Variants in CPED1 observed in about 807,000 individuals in gnomAD.
The protein encoded by CPED1 is cadherin-like and PC-esterase domain-containing protein 1.
CPED1 carries 114 observed loss-of-function variants against 128.2 expected under a neutral mutation model. That is an observed-to-expected ratio of 0.89 (90% CI 0.76 to 1.04). The LOEUF (loss-of-function observed/expected upper bound fraction) is 1.04, where lower values mean the gene tolerates loss of function less well. Ranked by LOEUF, CPED1 falls within the 50% of genes least tolerant of loss-of-function variation. The probability of loss-of-function intolerance (pLI) is 0.00; values close to 1 mark genes in which losing one functional copy is unlikely to be tolerated. For missense variants in CPED1, 1,211 were observed against 1,207.1 expected (o/e 1.00, Z -0.05); for synonymous variants, 462 against 426.7 (o/e 1.08, Z -1.02).
At chr7:121,129,032 A>G (rs1312279493) in intron 11 of CPED1, among the ~76,000 whole-genome samples, 2 of 151,776 alleles carry the variant, frequency 1.3e-5, no homozygotes, top group Admixed American at 6.6e-5. Flanking sequence ...TTTATCTTCT[A>G]TGTATTTTGT....
intron 16 of CPED1, among the ~76,000 whole-genome samples, chr7:121,165,645 G>A (rs2116448323): frequency 6.6e-6 from 1 of 152,172 alleles, no homozygotes; most frequent in South Asian, 2.1e-4. Context: ...GACCTCATCA[G>A]AGTTCACAAT....
At chr7:121,076,786 G>A (rs926487423) in intron 5 of CPED1, 2 of 151,946 alleles carry the variant, frequency 1.3e-5, no homozygotes, top group African/African-American at 4.8e-5. Context: ...CTGACTATCG[G>A]GCTTTAGCTT....
intron 4 of CPED1, among the ~76,000 whole-genome samples, chr7:121,052,751 T>A (rs1793391085): frequency 1.3e-5 from 2 of 152,160 alleles, no homozygotes; most frequent in Non-Finnish European, 2.9e-5. Flanking sequence ...AGACAGAGTC[T>A]CACTCTGTCT....
intron 22 of CPED1, among the ~76,000 whole-genome samples, chr7:121,294,410 C>A (rs1177016479): frequency 1.3e-5 from 2 of 152,036 alleles, no homozygotes; most frequent in East Asian, 3.9e-4. Context: ...TCTATGCACA[C>A]CTACCCCCAA....
intron 18 of CPED1, among the ~76,000 whole-genome samples, chr7:121,248,638 C>T (rs956353304): frequency 4.0e-5 from 6 of 148,998 alleles, no homozygotes; most frequent in South Asian, 2.1e-4. Context: ...ATAAAGATGC[C>T]GTACAGAGCC....
chr7:121,155,080 C>T (rs767889974), intron 16 of CPED1, among the ~76,000 whole-genome samples: 33 of 152,062 alleles, frequency 2.2e-4, no homozygotes, highest in Non-Finnish European at 4.1e-4. Context: ...CAACAGCAAA[C>T]AACCTGAAAA....
chr7:121,042,805 C>T lies in CPED1; in HGVS notation c.434-4082C>T, dbSNP rs182369378. Among the ~76,000 whole-genome samples the T allele has an allele frequency of 2.6e-5, 4 of 152,204 alleles. No homozygotes were observed. The South Asian group carries it at 6.2e-4, about 24-fold the overall frequency. On this transcript the variant is annotated intron_variant, in intron 3 of 22. Coordinates refer to ENST00000310396, the MANE Select transcript of CPED1 (RefSeq NM_024913.5). ...CTGAAGAACTATTAGCTGTTCACAT[C>T]ATTGTTACTACTACTTCTACTACTA... is the stretch of plus-strand genomic sequence containing the variant.
intron 22 of CPED1, among the ~76,000 whole-genome samples, chr7:121,294,987 T>C (rs1374430289): frequency 6.6e-6 from 1 of 152,166 alleles, no homozygotes; most frequent in Non-Finnish European, 1.5e-5. Context: ...AATTTTTTCT[T>C]TTCTCTGAAA....
rs768354371 is a variant in CPED1, at chr7:121,125,852, A to T, written c.1094A>T (p.Asp365Val). Residue 365 changes from aspartate (D) to valine (V), a missense_variant, in exon 9 of 23, where the codon GAT (aspartate) becomes GTT (valine). By Grantham distance (152) the Asp-to-Val change is radical. Coordinates refer to ENST00000310396, the MANE Select transcript of CPED1 (RefSeq NM_024913.5). ...TTCTGCTTTCAACTTCTAACTTTTG[A>T]TATTGGTTATGGCAGTTTCATGTAC... Reference protein sequence around the residue: ...CRFCFQLLTFDIGYGSFMYPV... With the variant: ...CRFCFQLLTFVIGYGSFMYPV... 2.5e-6 allele frequency: 4 copies of T among 1,613,418 alleles called. No individual in the cohort carries two copies. Among genetic ancestry groups the T allele is most frequent in the East Asian group, 2.2e-5 (1 of 44,878 alleles).
chr7:121,136,386 A>G, intron 14 of CPED1, among the ~76,000 whole-genome samples: 1 of 152,042 alleles, frequency 6.6e-6, no homozygotes, highest in East Asian at 1.9e-4. Context: ...TTGGCTTATC[A>G]GCTTTATATA....
At chr7:121,015,015 G>A (rs144149969) in intron 2 of CPED1, among the ~76,000 whole-genome samples, 305 of 152,268 alleles carry the variant, frequency 2.0e-3, no homozygotes, top group African/African-American at 7.1e-3. Flanking sequence ...TTTCCATTGT[G>A]AGAAAGAGGA....
chr7:121,083,399 T>G lies in CPED1; in HGVS notation c.617-14300T>G, dbSNP rs577173337. ...TTGTCCTAGCTTTTTGAAGCTGTCCTTCTGGTCTTCTTGGGAGGGTTTATG... is the reference window on the plus strand; with the variant it reads ...TTGTCCTAGCTTTTTGAAGCTGTCCGTCTGGTCTTCTTGGGAGGGTTTATG... On this transcript the variant is annotated intron_variant, in intron 5 of 22. Coordinates refer to ENST00000310396, the MANE Select transcript of CPED1 (RefSeq NM_024913.5). Among the ~76,000 whole-genome samples, 6 of 152,252 alleles carry G rather than the reference T, an allele frequency of 3.9e-5. No homozygotes were observed. In the South Asian group the frequency reaches 1.2e-3, roughly 32 times the overall value.
intron 3 of CPED1, among the ~76,000 whole-genome samples, chr7:121,030,088 A>T (rs1207669469): frequency 2.0e-5 from 3 of 152,176 alleles, no homozygotes; most frequent in African/African-American, 7.2e-5. Flanking sequence ...AATTCCAGAG[A>T]TAACATGGTT....
At chr7:121,270,380 T>A (rs551979963) in intron 21 of CPED1, among the ~76,000 whole-genome samples, 1 of 152,256 alleles carries the variant, frequency 6.6e-6, no homozygotes, top group Non-Finnish European at 1.5e-5. Flanking sequence ...GCATAGCTCT[T>A]TAGTTTAATT....
intron 3 of CPED1, among the ~76,000 whole-genome samples, chr7:121,018,532 T>C (rs1368706498): frequency 6.6e-6 from 1 of 152,074 alleles, no homozygotes; most frequent in East Asian, 1.9e-4. Flanking sequence ...AATTTGAAAA[T>C]ATTACATTAA....
intron 22 of CPED1, among the ~76,000 whole-genome samples, chr7:121,288,836 A>G (rs1282023078): frequency 1.3e-5 from 2 of 152,180 alleles, no homozygotes; most frequent in East Asian, 3.8e-4. Context: ...AATTAACCTT[A>G]TTTTGGCTTC....
intron 5 of CPED1, among the ~76,000 whole-genome samples, chr7:121,091,496 C>T (rs1347733741): frequency 6.6e-6 from 1 of 152,082 alleles, no homozygotes; most frequent in Non-Finnish European, 1.5e-5. Context: ...TAGTGTTAAA[C>T]TCAAAAGGAA....
chr7:121,077,728 TAAC>T (rs1311982842), intron 5 of CPED1, among the ~76,000 whole-genome samples: 1 of 151,236 alleles, frequency 6.6e-6, no homozygotes, highest in East Asian at 1.9e-4. Context: ...AAATGTATAT[TAAC>T]AATATGCTTT....
rs1419121695 is a variant in CPED1, at chr7:121,133,097, A to G, written c.1578-726A>G. Among the ~76,000 whole-genome samples the G allele has an allele frequency of 2.6e-5, 4 of 152,068 alleles. No homozygotes were observed. The South Asian group carries it at 8.3e-4, about 31-fold the overall frequency. On this transcript the variant is annotated intron_variant, in intron 12 of 22. Coordinates refer to ENST00000310396, the MANE Select transcript of CPED1 (RefSeq NM_024913.5). The stretch of plus-strand genomic sequence containing the variant: ...AGCATCCCTGTGAAGTAAGGTAAAC[A>G]TTGTTATCTCCATTGTGCTGGGGTG...
Sources: allele counts gnomAD v4.1 joint callset (sites outside exome capture counted in the v4.1 genomes callset), GRCh38; gene constraint gnomAD v4.1.1; transcripts MANE v1.5; gene names NCBI Gene and HGNC (gene_info 2026-07-23, HGNC 2026-07-21).